KCNT1: variants seen among roughly 807,000 people sequenced by gnomAD.
KCNT1 encodes the protein potassium channel subfamily T member 1.
Under a neutral mutation model 147.8 loss-of-function variants are expected in KCNT1, and 78 were observed. That is an observed-to-expected ratio of 0.53 (90% CI 0.44 to 0.64). KCNT1 has a LOEUF of 0.64. Among genes scored for constraint, KCNT1 ranks in the 30% least tolerant of loss-of-function variants. The pLI is 0.00. For missense variants in KCNT1, 1,419 were observed against 1,750.3 expected, an observed-to-expected ratio of 0.81 and a Z score of 3.38; for synonymous variants, 867 against 748.8, an observed-to-expected ratio of 1.16 and a Z score of -2.58.
intron 2 of KCNT1, among the ~76,000 whole-genome samples, chr9:135,744,716 AG>A (rs1358575838): frequency 2.0e-5 from 3 of 152,172 alleles, no homozygotes; most frequent in Non-Finnish European, 4.4e-5. Flanking sequence ...CGGCTCTCCC[AG>A]GGCCAGGGCC....
intron 2 of KCNT1, among the ~76,000 whole-genome samples, chr9:135,725,859 C>G (rs1564322551): frequency 6.6e-6 from 1 of 152,174 alleles, no homozygotes. Context: ...TGCTGGAAAG[C>G]AGAAATGCCG....
intron 2 of KCNT1, among the ~76,000 whole-genome samples, chr9:135,746,006 C>T (rs1456842121): frequency 6.6e-6 from 1 of 152,272 alleles, no homozygotes; most frequent in African/African-American, 2.4e-5. Context: ...TCTGCAGCCA[C>T]AGGCTCCCTC....
intron 2 of KCNT1, among the ~76,000 whole-genome samples, chr9:135,745,647 A>G (rs1830790738): frequency 6.6e-6 from 1 of 152,230 alleles, no homozygotes; most frequent in African/African-American, 2.4e-5. Flanking sequence ...ATCTCAGCAC[A>G]GACAGAGCTC....
In KCNT1 at chr9:135,769,989, C is replaced by T. The variant is rs751063680; in HGVS notation, c.1553C>T (p.Ala518Val). 2.6e-6 allele frequency: 4 copies of T among 1,557,092 alleles called. No homozygotes were observed. The highest frequency in any genetic ancestry group is 1.2e-5 in the South Asian group (1 of 84,396). Residue 518 changes from alanine (A) to valine (V), a missense_variant, in exon 16 of 31, where the codon GCG becomes GTG. Physicochemically the swap from Ala to Val is moderately conservative, Grantham distance 64. Transcript: ENST00000371757. ...CEEECKYAML[A>V]LNCICPATST... ...GAGGAGTGCAAGTACGCCATGCTGG[C>T]GCTGAACTGCATCTGCCCGGCGACC...
Position 135,778,841 on chromosome 9 carries a change from G to C in KCNT1, c.2729+19G>C. 1 of 1,612,668 alleles carries C rather than the reference G, an allele frequency of 6.2e-7. No individual in the cohort carries two copies. The highest frequency in any genetic ancestry group is 1.1e-5 in the South Asian group (1 of 91,038). ...TGTTCCGGTGCGTCCAGTGTCCGGG[G>C]CTCGGCTCTAAACCACCCCACAGCC... On this transcript the variant is annotated intron_variant, in intron 23 of 30. Coordinates refer to ENST00000371757, the MANE Select transcript of KCNT1 (RefSeq NM_020822.3).
rs1834612240 is a variant in KCNT1, at chr9:135,792,477, T to G, written c.*316T>G. 7.6e-6 allele frequency: 2 copies of G among 261,960 alleles called. No individual in the cohort carries two copies. The highest frequency in any genetic ancestry group is 1.1e-4 in the East Asian group (1 of 8,716). The allele number at this position is 261,960 out of a possible 1,614,324, so 16.2% of individuals were successfully genotyped here. ...AGGGCAACGCAGGGACTGGACGCCCTACAGGGCCGAGCCCAGGCTGTGCTG... is the reference window on the plus strand; with the variant it reads ...AGGGCAACGCAGGGACTGGACGCCCGACAGGGCCGAGCCCAGGCTGTGCTG... On this transcript the variant is annotated 3_prime_UTR_variant, in exon 31 of 31. Transcript: ENST00000371757.
rs1831219625 is a variant in KCNT1 at position 135,752,265 on chromosome 9, T to C, written c.434+1224T>C. ...GCTTCTGGGGACCTAAAGGCGTCCA[T>C]GTAAACTTTTGCTCAATCCCCCTTT... On this transcript the variant is annotated intron_variant, in intron 4 of 30. Coordinates refer to ENST00000371757, the MANE Select transcript of KCNT1 (RefSeq NM_020822.3). The surrounding 1 kb of genome is among the most constrained non-coding windows in gnomAD (Gnocchi z 5.1). 1 of 437,482 alleles carries C rather than the reference T, an allele frequency of 2.3e-6. No homozygotes were observed. The highest frequency in any genetic ancestry group is 4.6e-6 in the Non-Finnish European group (1 of 218,846). 27.1% of individuals were successfully genotyped at this position (437,482 alleles called of 1,614,324 possible).
At position 135,752,475 on chromosome 9, in the gene KCNT1, G is replaced by C. The variant is rs1408050970; in HGVS notation, c.434+1434G>C. ...TTTCCTAGGTCACTCCCCACCCCAA[G>C]TCCCAGGGTCCCCTGGGGCTTCTGG... On this transcript the variant is annotated intron_variant, in intron 4 of 30. Transcript: ENST00000371757. This position sits in a 1 kb window ranked among gnomAD's most constrained non-coding sequence, Gnocchi z 5.1. 8.8e-6 allele frequency: 4 copies of C among 455,786 alleles called. No homozygotes were observed. Among genetic ancestry groups the C allele is most frequent in the Non-Finnish European group, 1.3e-5 (3 of 226,742 alleles). The allele number at this position is 455,786 out of a possible 1,614,324, so 28.2% of individuals were successfully genotyped here.
rs758423820 is a variant in KCNT1, at chr9:135,705,087, G to A, written c.110+2719G>A. Among the ~76,000 whole-genome samples, 6 of 152,256 alleles carry A rather than the reference G, an allele frequency of 3.9e-5. No individual in the cohort carries two copies. The South Asian group carries it at 6.2e-4, about 16-fold the overall frequency. ...AGTGTGCTGGTCTGGTTCACCCACCGTATGGGGAGCTCTTGATTAACACAG... is the reference window on the plus strand; with the variant it reads ...AGTGTGCTGGTCTGGTTCACCCACCATATGGGGAGCTCTTGATTAACACAG... On this transcript the variant is annotated intron_variant, in intron 1 of 30. Transcript: ENST00000371757.
intron 11 of KCNT1, among the ~76,000 whole-genome samples, chr9:135,763,839 C>T (rs978455913): frequency 2.2e-4 from 33 of 152,174 alleles, no homozygotes; most frequent in Admixed American, 9.2e-4. Flanking sequence ...ATCCTCACGG[C>T]GGCCCTGGAG....
At chr9:135,772,510 C>T (rs531514010) in intron 18 of KCNT1, among the ~76,000 whole-genome samples, 50 of 152,316 alleles carry the variant, frequency 3.3e-4, no homozygotes, top group African/African-American at 1.2e-3. Flanking sequence ...TGGGTCTTCG[C>T]TCAACATCAT....
intron 2 of KCNT1, among the ~76,000 whole-genome samples, chr9:135,738,046 C>G (rs1830412311): frequency 6.6e-6 from 1 of 152,182 alleles, no homozygotes; most frequent in Non-Finnish European, 1.5e-5. Flanking sequence ...ACAGCCAGCC[C>G]TCAAGGGGCA....
In KCNT1 at chr9:135,752,048, G is replaced by T; in HGVS notation, c.434+1007G>T. The T allele has an allele frequency of 4.8e-6, 1 of 208,980 alleles. No individual in the cohort carries two copies. Among genetic ancestry groups the T allele is most frequent in the Non-Finnish European group, 9.8e-6 (1 of 102,506 alleles). The allele number at this position is 208,980 out of a possible 1,614,324, so 12.9% of individuals were successfully genotyped here. ...ATTGGGCCCTGACTTTTTCATACCC[G>T]TAGATTTCCTCAAATGTCTGGTGCC... On this transcript the variant is annotated intron_variant, in intron 4 of 30. Transcript: ENST00000371757. This position sits in a 1 kb window ranked among gnomAD's most constrained non-coding sequence, Gnocchi z 5.1.
chr9:135,733,832 C>A (rs1181591478), intron 2 of KCNT1, among the ~76,000 whole-genome samples: 1 of 149,932 alleles, frequency 6.7e-6, no homozygotes, highest in African/African-American at 2.5e-5. Context: ...TGTCACCTGG[C>A]AGGCACTTTG....
intron 29 of KCNT1, 165 bp from the exon 30 acceptor site, chr9:135,791,632 G>A: frequency 1.6e-6 from 1 of 642,992 alleles, no homozygotes; most frequent in South Asian, 1.7e-5. Context: ...GTGTCGGTCA[G>A]GGATGGGCCC....
intron 29 of KCNT1, chr9:135,789,937 A>C (rs1324162849): frequency 1.3e-5 from 2 of 152,236 alleles, no homozygotes; most frequent in Non-Finnish European, 2.9e-5. Context: ...GACCAGTGCC[A>C]TGTGACTGAC....
Position 135,771,044 on chromosome 9 carries a change from C to A in KCNT1, c.1957C>A (p.Leu653Met), listed in dbSNP as rs771481255. ...RKKRAFSGQG[L>M]HEGPARLPVH... is the part of the protein sequence containing the mutation. ...GAAGAGGGCCTTCTCGGGGCAGGGG[C>A]TGCACGAGGGTCCGGCCCGCCTGCC... Residue 653 changes from leucine to methionine, a missense_variant, in exon 18 of 31, where the codon CTG becomes ATG. Leu to Met is a conservative substitution (Grantham distance 15, BLOSUM62 2). Coordinates refer to ENST00000371757, the MANE Select transcript of KCNT1 (RefSeq NM_020822.3). The A allele has an allele frequency of 6.2e-7, 1 of 1,612,774 alleles. No homozygotes were observed. The highest frequency in any genetic ancestry group is 1.3e-5 in the African/African-American group (1 of 74,926).
In KCNT1 at chr9:135,792,718, T is replaced by C. The variant is rs957900246; in HGVS notation, c.*557T>C. On this transcript the variant is annotated 3_prime_UTR_variant, in exon 31 of 31. Transcript: ENST00000371757. ...GCTGTCCCAAGCCCCTTCTGGAAGT[T>C]AGAAGCAGCAAAGGGCCCGGGGAAG... 7 of 151,932 alleles carry C rather than the reference T, an allele frequency of 4.6e-5. No individual in the cohort carries two copies. Among genetic ancestry groups the C allele is most frequent in the African/African-American group, 1.7e-4 (7 of 41,076 alleles). 9.4% of individuals were successfully genotyped at this position (151,932 alleles called of 1,614,324 possible). A position where few individuals can be genotyped will look rare whatever the true frequency, so the allele number is the denominator to read the frequency against.
intron 29 of KCNT1, 87 bp downstream of exon 29, chr9:135,786,608 C>A: frequency 7.8e-7 from 1 of 1,276,970 alleles, no homozygotes; most frequent in Non-Finnish European, 1.0e-6. Context: ...CACGGCGTCC[C>A]GGGGCCCGGG....
Sources: gnomAD v4.1 joint callset for allele counts (sites outside exome capture counted in the v4.1 genomes callset) on GRCh38, gnomAD v4.1.1 for gene constraint, Gnocchi (gnomAD v3.1) non-coding constraint, MANE v1.5 for transcripts, NCBI Gene and HGNC (gene_info 2026-07-23, HGNC 2026-07-21) for gene names.